The following VGLL3 variants were observed in gnomAD, a reference collection of about 807,000 sequenced individuals.
VGLL3 encodes the protein transcription cofactor vestigial-like protein 3.
Under a neutral mutation model 29.2 loss-of-function variants are expected in VGLL3, and 18 were observed. The ratio of observed to expected loss-of-function variants is 0.62; its 90% CI spans 0.43 to 0.91. VGLL3 has a LOEUF of 0.91. Among genes scored for constraint, VGLL3 ranks in the 40% least tolerant of loss-of-function variants. The pLI is 0.00. For missense variants in VGLL3, 440 were observed against 413.2 expected (o/e 1.06, Z -0.56); for synonymous variants, 180 against 151.8 (o/e 1.19, Z -1.36).
chr3:86,948,359 G>A (rs922298048), intron 3 of VGLL3, among the ~76,000 whole-genome samples: 1 of 152,088 alleles, frequency 6.6e-6, no homozygotes, highest in Non-Finnish European at 1.5e-5. Context: ...TTGGTTCAAA[G>A]TTTTTCTATT....
At chr3:86,978,472 G>A in intron 2 of VGLL3, 54 bp downstream of exon 2, 1 of 1,578,532 alleles carries the variant, frequency 6.3e-7, no homozygotes, top group Non-Finnish European at 8.6e-7. Context: ...CCTGGTACAG[G>A]CAGTTGCGAA....
chr3:86,980,844 T>C (rs1443528299), intron 1 of VGLL3, among the ~76,000 whole-genome samples: 2 of 146,746 alleles, frequency 1.4e-5, no homozygotes, highest in African/African-American at 2.7e-5. Flanking sequence ...TGTTTTTCTA[T>C]GAAAAAAAAA....
chr3:86,958,108 T>C (rs1045667373), intron 3 of VGLL3, among the ~76,000 whole-genome samples: 1 of 152,180 alleles, frequency 6.6e-6, no homozygotes, highest in African/African-American at 2.4e-5. Flanking sequence ...AGCAATACCA[T>C]ATGGAACACA....
At chr3:86,969,675 T>TTTTTTTTATTTA (rs571995179) in intron 2 of VGLL3, among the ~76,000 whole-genome samples, 1 of 145,412 alleles carries the variant, frequency 6.9e-6, no homozygotes, top group Non-Finnish European at 1.5e-5. Flanking sequence ...TCCAACCTCA[T>TTTTTTTTATTTA]TTTATTTATT....
intron 2 of VGLL3, among the ~76,000 whole-genome samples, chr3:86,973,495 A>G (rs1705147304): frequency 6.6e-6 from 1 of 152,202 alleles, no homozygotes. Context: ...TTCAGTAATT[A>G]TGCATTACCA....
At chr3:86,949,619 G>C (rs1405440128) in intron 3 of VGLL3, among the ~76,000 whole-genome samples, 1 of 151,884 alleles carries the variant, frequency 6.6e-6, no homozygotes, top group Non-Finnish European at 1.5e-5. Flanking sequence ...GAGGTCAGGA[G>C]ATCGAGACCA....
At chr3:86,967,384 G>A (rs896870610) in intron 3 of VGLL3, among the ~76,000 whole-genome samples, 20 of 152,168 alleles carry the variant, frequency 1.3e-4, no homozygotes, top group African/African-American at 4.1e-4. Context: ...GGATTACCAA[G>A]TCCCCTGATA....
chr3:86,957,574 A>G (rs1704748650), intron 3 of VGLL3, among the ~76,000 whole-genome samples: 1 of 152,174 alleles, frequency 6.6e-6, no homozygotes, highest in South Asian at 2.1e-4. Flanking sequence ...AAGGAAGAGG[A>G]GGAGCTGAGG....
Position 86,941,996 on chromosome 3 carries a change from T to G in VGLL3, c.*5028A>C, listed in dbSNP as rs923126337. 6.6e-6 allele frequency: 1 copy of G among 152,190 alleles called. No individual in the cohort carries two copies. Among genetic ancestry groups the G allele is most frequent in the Non-Finnish European group, 1.5e-5 (1 of 68,038 alleles). The allele number at this position is 152,190 out of a possible 1,614,324, so 9.4% of individuals were successfully genotyped here. On this transcript the variant is annotated 3_prime_UTR_variant, in exon 4 of 4. Coordinates refer to ENST00000398399, the MANE Select transcript of VGLL3 (RefSeq NM_016206.4). ...TCAACATTCGTTTTTGAATGGATGT[T>G]GAAAGTTAGGCTAAAATTTTTACCT... is the stretch of plus-strand genomic sequence containing the variant.
chr3:86,954,061 G>T (rs1163963243), intron 3 of VGLL3, among the ~76,000 whole-genome samples: 12 of 152,216 alleles, frequency 7.9e-5, no homozygotes, highest in Admixed American at 7.2e-4. Flanking sequence ...TCTGGCAAAG[G>T]AGGTTTTCTG....
At chr3:86,987,413 T>C (rs1301350389) in intron 1 of VGLL3, among the ~76,000 whole-genome samples, 1 of 152,174 alleles carries the variant, frequency 6.6e-6, no homozygotes, top group Non-Finnish European at 1.5e-5. Context: ...ACAGAGTAAA[T>C]ATACTCCATT....
At chr3:86,966,769 GTGTGTATATATATATATATATATA>G (rs1704968482) in intron 3 of VGLL3, among the ~76,000 whole-genome samples, 1 of 65,824 alleles carries the variant, frequency 1.5e-5, no homozygotes. Flanking sequence ...AATAGTGTGT[GTGTGTATATATATATATATATATA>G]TATATATATA....
At position 86,940,421 on chromosome 3, in the gene VGLL3, T is replaced by C. The variant is rs1291228904; in HGVS notation, c.*6603A>G. ...TAATATACCCCATTTCATTTTCTTT[T>C]CCATTATAAACATGTATTTTATAAT... On this transcript the variant is annotated 3_prime_UTR_variant, in exon 4 of 4. Coordinates refer to ENST00000398399, the MANE Select transcript of VGLL3 (RefSeq NM_016206.4). The C allele has an allele frequency of 6.6e-6, 1 of 152,656 alleles. No homozygotes were observed. The highest frequency in any genetic ancestry group is 1.5e-5 in the Non-Finnish European group (1 of 68,026). The allele number at this position is 152,656 out of a possible 1,614,324, so 9.5% of individuals were successfully genotyped here.
intron 1 of VGLL3, among the ~76,000 whole-genome samples, chr3:86,982,231 G>A (rs1705339428): frequency 1.3e-5 from 2 of 152,080 alleles, no homozygotes; most frequent in East Asian, 1.9e-4. Context: ...TGCAACCTCC[G>A]CCTCCCAGGT....
In VGLL3 at chr3:86,940,215, AG is replaced by A. The variant is rs144668674; in HGVS notation, c.*6808del. On this transcript the variant is annotated 3_prime_UTR_variant, in exon 4 of 4. Coordinates refer to ENST00000398399, the MANE Select transcript of VGLL3 (RefSeq NM_016206.4). ...AAACTCTAGCTTTCTTCAGAATACAAGGTCTTGGAATTCTCTTTTCAATGTT... is the reference window on the plus strand; with the variant it reads ...AAACTCTAGCTTTCTTCAGAATACAAGTCTTGGAATTCTCTTTTCAATGTT... 5.9e-5 allele frequency: 9 copies of A among 152,338 alleles called. No homozygotes were observed. Among genetic ancestry groups the A allele is most frequent in the African/African-American group, 1.9e-4 (8 of 41,572 alleles). 9.4% of individuals were successfully genotyped at this position (152,338 alleles called of 1,614,324 possible).
intron 1 of VGLL3, among the ~76,000 whole-genome samples, chr3:86,985,044 G>T (rs1292452019): frequency 6.6e-6 from 1 of 152,162 alleles, no homozygotes; most frequent in Non-Finnish European, 1.5e-5. Flanking sequence ...ATGAGTCTGA[G>T]CAAGCCACTG....
At chr3:86,965,968 G>A (rs537818425) in intron 3 of VGLL3, among the ~76,000 whole-genome samples, 9 of 152,158 alleles carry the variant, frequency 5.9e-5, no homozygotes, top group East Asian at 1.9e-4. Flanking sequence ...AAAAATTGAC[G>A]TACAACACCC....
chr3:86,938,586 G>C lies in VGLL3; in HGVS notation c.*8438C>G, dbSNP rs1184459269. 1.3e-5 allele frequency: 2 copies of C among 152,744 alleles called. No individual in the cohort carries two copies. The highest frequency in any genetic ancestry group is 4.1e-4 in the South Asian group (2 of 4,826). 9.5% of individuals were successfully genotyped at this position (152,744 alleles called of 1,614,324 possible). A position where few individuals can be genotyped will look rare whatever the true frequency, so the allele number is the denominator to read the frequency against. ...GATCAATGCTGATGTTCTTCATTCA[G>C]TCACAGCCAAACTTGGTATGGAAAG... On this transcript the variant is annotated 3_prime_UTR_variant, in exon 4 of 4. Coordinates refer to ENST00000398399, the MANE Select transcript of VGLL3 (RefSeq NM_016206.4).
chr3:86,989,613 A>G (rs1705535620), intron 1 of VGLL3, among the ~76,000 whole-genome samples: 1 of 152,228 alleles, frequency 6.6e-6, no homozygotes, highest in Non-Finnish European at 1.5e-5. Context: ...AGTAAAAAGA[A>G]ATAAATCAAT....
Sources: allele counts gnomAD v4.1 joint callset (sites outside exome capture counted in the v4.1 genomes callset), GRCh38; gene constraint gnomAD v4.1.1; transcripts MANE v1.5; gene names NCBI Gene and HGNC (gene_info 2026-07-23, HGNC 2026-07-21).